Variants in VDR observed in about 807,000 individuals in gnomAD.
The protein encoded by VDR is vitamin D receptor.
In VDR, 19 loss-of-function variants were observed where a neutral mutation model predicts 39.7. The ratio of observed to expected loss-of-function variants is 0.48; its 90% confidence interval spans 0.33 to 0.70. The LOEUF (loss-of-function observed/expected upper bound fraction) is 0.70, where lower values mean the gene tolerates loss of function less well. VDR is among the 30% of genes least tolerant of loss of function. The pLI is 0.02. For missense variants in VDR, 442 were observed against 570.5 expected, an observed-to-expected ratio of 0.77 and a Z score of 2.29; for synonymous variants, 242 against 215.8, an observed-to-expected ratio of 1.12 and a Z score of -1.07.
At chr12:47,892,123 T>C (rs145027335) in intron 1 of VDR, among the ~76,000 whole-genome samples, 5 of 152,362 alleles carry the variant, frequency 3.3e-5, no homozygotes, top group Middle Eastern at 3.4e-3. Context: ...GCCATTCACT[T>C]ATCCTGGGAT....
At chr12:47,846,290 C>A in intron 9 of VDR, 45 bp downstream of exon 9, 3 of 1,568,198 alleles carry the variant, frequency 1.9e-6, no homozygotes, top group Non-Finnish European at 2.6e-6. Flanking sequence ...CCTTCATACT[C>A]CCCGCTCCCC....
chr12:47,857,034 C>G, intron 6 of VDR, 95 bp downstream of exon 6: 1 of 1,579,430 alleles, frequency 6.3e-7, no homozygotes, highest in Non-Finnish European at 8.7e-7. Context: ...CATTAGGGAG[C>G]CTTCCACCTC....
chr12:47,849,958 C>G (rs139179787), intron 7 of VDR, among the ~76,000 whole-genome samples: 60 of 152,168 alleles, frequency 3.9e-4, no homozygotes, highest in African/African-American at 1.4e-3. Flanking sequence ...TCAGGCAATT[C>G]TCCTGTCTCA....
intron 3 of VDR, among the ~76,000 whole-genome samples, chr12:47,876,849 A>G (rs144856552): frequency 3.9e-4 from 59 of 152,334 alleles, no homozygotes; most frequent in African/African-American, 1.3e-3. Flanking sequence ...TCCAGTGAGG[A>G]ACTGGCCTCC....
In VDR at chr12:47,879,912, G is replaced by A. The variant is rs543660904; in HGVS notation, c.-2-797C>T. 5.3e-5 allele frequency among the ~76,000 whole-genome samples: 8 copies of A among 152,314 alleles called. No homozygotes were observed. In the East Asian group the frequency reaches 1.2e-3, roughly 22 times the overall value. On this transcript the variant is annotated intron_variant, in intron 2 of 9. Coordinates refer to ENST00000549336, the MANE Select transcript of VDR (RefSeq NM_000376.3). Reference sequence around the variant, plus strand: ...GATGGATTTCATACTTGAGGAAAAGGAGAAGAGACAGACGGAACGAAAGCC... The same window carrying A: ...GATGGATTTCATACTTGAGGAAAAGAAGAAGAGACAGACGGAACGAAAGCC...
intron 1 of VDR, 116 bp downstream of exon 1, chr12:47,904,839 C>T (rs1158424223): frequency 6.3e-6 from 3 of 476,302 alleles, no homozygotes; most frequent in Non-Finnish European, 1.1e-5. Context: ...CCAAGTTTAC[C>T]GCTGAGACTT....
chr12:47,851,981 T>C (rs922018392), intron 7 of VDR, among the ~76,000 whole-genome samples: 1 of 152,194 alleles, frequency 6.6e-6, no homozygotes, highest in South Asian at 2.1e-4. Flanking sequence ...AGACTTCAAC[T>C]TAACCTCGGG....
At chr12:47,888,926 A>T (rs1443844815) in intron 1 of VDR, among the ~76,000 whole-genome samples, 1 of 152,200 alleles carries the variant, frequency 6.6e-6, no homozygotes, top group East Asian at 1.9e-4. Context: ...TCACAACACA[A>T]AGAAATGATA....
In VDR at chr12:47,861,742, T is replaced by A. The variant is rs142633249; in HGVS notation, c.277+3305A>T. Among the ~76,000 whole-genome samples the A allele has an allele frequency of 7.3e-3, 1,111 of 152,364 alleles. 20 individuals carry two copies. Among genetic ancestry groups the A allele is most frequent in the African/African-American group, 0.026 (1,068 of 41,580 alleles). On this transcript the variant is annotated intron_variant, in intron 4 of 9. Transcript: ENST00000549336. ...CCTACATGGCTGCTCAGAAGCTTTTTTTGACTTCATTTTAAGCTCCTTGCT... is the reference window on the plus strand; with the variant it reads ...CCTACATGGCTGCTCAGAAGCTTTTATTGACTTCATTTTAAGCTCCTTGCT...
At chr12:47,863,124 G>A (rs1389215761) in intron 4 of VDR, among the ~76,000 whole-genome samples, 1 of 152,156 alleles carries the variant, frequency 6.6e-6, no homozygotes. Flanking sequence ...CTCCTGGGCA[G>A]GGCCCCCTGA....
At chr12:47,847,900 G>A (rs61412033) in intron 7 of VDR, among the ~76,000 whole-genome samples, 2,748 of 152,136 alleles carry the variant, frequency 0.018, 104 homozygotes, top group African/African-American at 0.064. Context: ...ACACCATCAC[G>A]CCTAGCTAAT....
Position 47,890,332 on chromosome 12 carries a change from ATATGTAATATGTATTTTATATATATTATG to A in VDR, c.-83-7587_-83-7559del, listed in dbSNP as rs764184852. Among the ~76,000 whole-genome samples, 172 of 148,184 alleles carry A rather than the reference ATATGTAATATGTATTTTATATATATTATG, an allele frequency of 1.2e-3. 2 individuals carry two copies. Among genetic ancestry groups the A allele is most frequent in the African/African-American group, 3.9e-3 (160 of 40,642 alleles). ...AAGGTTATTGTTTTGTATTTTACAT[ATATGTAATATGTATTTTATATATATTATG>A]TATGTAATATATATTTTATATATAT... On this transcript the variant is annotated intron_variant, in intron 1 of 9. Coordinates refer to ENST00000549336, the MANE Select transcript of VDR (RefSeq NM_000376.3).
chr12:47,885,845 G>A (rs1381356806), intron 1 of VDR, among the ~76,000 whole-genome samples: 1 of 152,152 alleles, frequency 6.6e-6, no homozygotes, highest in African/African-American at 2.4e-5. Flanking sequence ...ACAGGTGTGA[G>A]CCACGCCAGG....
intron 3 of VDR, 86 bp from the exon 4 acceptor site, chr12:47,865,263 C>T: frequency 6.3e-7 from 1 of 1,586,290 alleles, no homozygotes; most frequent in East Asian, 2.3e-5. Flanking sequence ...TTCTGGGCCC[C>T]CTGGTCTCCA....
At chr12:47,863,403 C>T (rs1945664305) in intron 4 of VDR, among the ~76,000 whole-genome samples, 1 of 152,230 alleles carries the variant, frequency 6.6e-6, no homozygotes, top group African/African-American at 2.4e-5. Context: ...TGTGGCAGTG[C>T]CTTACGAACC....
chr12:47,878,983 C>T lies in VDR; in HGVS notation c.131G>A (p.Cys44Tyr). Reference sequence around the variant, plus strand: ...GAGGGCTCACCTGAAGAAGCCTTTGCAGCCTTCACAGGTCATAGCATTGAA... The same window carrying T: ...GAGGGCTCACCTGAAGAAGCCTTTGTAGCCTTCACAGGTCATAGCATTGAA... ...FHFNAMTCEG[C>Y]KGFFRRSMKR... The change falls in exon 3 of 10, where the codon TGC (cysteine) becomes TAC (tyrosine). Residue 44 changes from cysteine to tyrosine, a missense_variant. Coordinates refer to ENST00000549336, the MANE Select transcript of VDR (RefSeq NM_000376.3). 6.2e-7 allele frequency: 1 copy of T among 1,614,208 alleles called. No individual in the cohort carries two copies. The highest frequency in any genetic ancestry group is 1.1e-5 in the South Asian group (1 of 91,090).
chr12:47,895,535 C>A (rs1381851067), intron 1 of VDR, among the ~76,000 whole-genome samples: 3 of 152,098 alleles, frequency 2.0e-5, no homozygotes, highest in Non-Finnish European at 4.4e-5. Flanking sequence ...GGGAGGGGTA[C>A]CTTCTAGTAC....
intron 1 of VDR, among the ~76,000 whole-genome samples, chr12:47,884,321 C>T (rs1187023719): frequency 6.6e-6 from 1 of 152,198 alleles, no homozygotes; most frequent in Non-Finnish European, 1.5e-5. Flanking sequence ...TCATTTAGCC[C>T]TCACAACAGT....
intron 4 of VDR, among the ~76,000 whole-genome samples, chr12:47,860,050 C>T (rs1945595552): frequency 6.6e-6 from 1 of 151,814 alleles, no homozygotes; most frequent in Non-Finnish European, 1.5e-5. Flanking sequence ...GCAACCTCCA[C>T]CTCCCGGGTT....
Sources: allele counts gnomAD v4.1 joint callset (sites outside exome capture counted in the v4.1 genomes callset), GRCh38; gene constraint gnomAD v4.1.1; transcripts MANE v1.5; gene names NCBI Gene and HGNC (gene_info 2026-07-23, HGNC 2026-07-21).